The following GRIP1 variants were observed in gnomAD, a reference collection of about 807,000 sequenced individuals.
GRIP1 encodes the protein glutamate receptor-interacting protein 1.
A neutral mutation model predicts 129.9 loss-of-function variants in GRIP1; 45 were observed. The ratio of observed to expected loss-of-function variants is 0.35; its 90% confidence interval spans 0.27 to 0.44. The LOEUF is 0.44. Among genes scored for constraint, GRIP1 ranks in the 20% least tolerant of loss-of-function variants. GRIP1 has a pLI of 1.00. For synonymous variants in GRIP1, 530 were observed against 520.8 expected (o/e 1.02, Z -0.24); for missense variants, 1,196 against 1,396.8 (o/e 0.86, Z 2.29).
At chr12:66,578,231 G>A (rs548215747) in intron 2 of GRIP1, among the ~76,000 whole-genome samples, 1,203 of 31,500 alleles carry the variant, frequency 0.038, 37 homozygotes, top group African/African-American at 0.13. Flanking sequence ...GCAAAACCGC[G>A]GTTTTTTTTT....
chr12:66,574,258 T>C (rs2063064252), intron 2 of GRIP1, among the ~76,000 whole-genome samples: 1 of 152,250 alleles, frequency 6.6e-6, no homozygotes, highest in Admixed American at 6.5e-5. Flanking sequence ...CCTGTCATTA[T>C]AGCGGTTTTA....
chr12:66,743,320 C>G (rs545792848), intron 1 of GRIP1, among the ~76,000 whole-genome samples: 1 of 151,950 alleles, frequency 6.6e-6, no homozygotes, highest in Admixed American at 6.6e-5. Flanking sequence ...GCAACCTCCC[C>G]CAAAGTGGAA....
At chr12:66,720,438 A>G (rs2036023795) in intron 1 of GRIP1, among the ~76,000 whole-genome samples, 1 of 152,110 alleles carries the variant, frequency 6.6e-6, no homozygotes, top group African/African-American at 2.4e-5. Context: ...AAAATAAGAC[A>G]GTAATAAAGT....
chr12:66,922,026 T>C (rs1324026399), intron 1 of GRIP1, among the ~76,000 whole-genome samples: 1 of 152,170 alleles, frequency 6.6e-6, no homozygotes, highest in African/African-American at 2.4e-5. Flanking sequence ...TAATATGAAA[T>C]AAATCATGCT....
chr12:66,963,651 C>T (rs1339114529), intron 1 of GRIP1, among the ~76,000 whole-genome samples: 1 of 152,044 alleles, frequency 6.6e-6, no homozygotes, highest in Non-Finnish European at 1.5e-5. Context: ...ATTTTGATTT[C>T]CTGTTTCTAT....
chr12:67,067,130 T>A (rs1329632233), intron 1 of GRIP1, among the ~76,000 whole-genome samples: 2 of 152,070 alleles, frequency 1.3e-5, no homozygotes, highest in Non-Finnish European at 2.9e-5. Flanking sequence ...CAAACATTTT[T>A]TGTTTTCTCC....
chr12:66,775,951 T>C (rs12828060), intron 1 of GRIP1, among the ~76,000 whole-genome samples: 48,118 of 152,052 alleles, frequency 0.32, 7,953 homozygotes, highest in Non-Finnish European at 0.37. Flanking sequence ...CAGTATAGCA[T>C]TGCCAAAATG....
chr12:66,409,459 G>A (rs1342913474), intron 15 of GRIP1, among the ~76,000 whole-genome samples: 1 of 152,226 alleles, frequency 6.6e-6, no homozygotes, highest in Non-Finnish European at 1.5e-5. Flanking sequence ...GAGCCATAGT[G>A]TTACTGGACT....
At chr12:66,437,159 G>A (rs11176177) in intron 13 of GRIP1, among the ~76,000 whole-genome samples, 97,014 of 151,958 alleles carry the variant, frequency 0.64, 32,835 homozygotes, top group Non-Finnish European at 0.77. Context: ...TTTTGGAAAC[G>A]GATGGCTTAC....
chr12:67,009,365 A>G (rs556510497), intron 1 of GRIP1, among the ~76,000 whole-genome samples: 33 of 152,296 alleles, frequency 2.2e-4, no homozygotes, highest in African/African-American at 7.2e-4. Context: ...TAACTTTGAC[A>G]GGAGGCCACG....
chr12:66,759,008 C>T (rs1777864817), intron 1 of GRIP1, among the ~76,000 whole-genome samples: 1 of 152,174 alleles, frequency 6.6e-6, no homozygotes, highest in African/African-American at 2.4e-5. Context: ...GACGGTGTCC[C>T]TCTTCTCACA....
intron 4 of GRIP1, among the ~76,000 whole-genome samples, chr12:66,533,228 G>T (rs2061506983): frequency 6.6e-6 from 1 of 151,994 alleles, no homozygotes; most frequent in Admixed American, 6.5e-5. Context: ...TTGAGACAGG[G>T]TCTTTCTATG....
intron 1 of GRIP1, among the ~76,000 whole-genome samples, chr12:67,018,521 C>G (rs980080714): frequency 1.3e-5 from 2 of 152,148 alleles, no homozygotes; most frequent in African/African-American, 4.8e-5. Context: ...CCTGGTTTTC[C>G]TTGGATTTTA....
At chr12:66,838,634 G>A (rs2039660210) in intron 1 of GRIP1, among the ~76,000 whole-genome samples, 1 of 152,158 alleles carries the variant, frequency 6.6e-6, no homozygotes, top group Non-Finnish European at 1.5e-5. Flanking sequence ...TAATAGTAGA[G>A]AAAAAGTACA....
chr12:67,021,944 A>G (rs73317201), intron 1 of GRIP1, among the ~76,000 whole-genome samples: 4,974 of 152,218 alleles, frequency 0.033, 277 homozygotes, highest in African/African-American at 0.11. Flanking sequence ...TCAACATGAT[A>G]TCCTCCAGAC....
At chr12:66,690,825 C>T (rs904029987) in intron 1 of GRIP1, among the ~76,000 whole-genome samples, 15 of 151,106 alleles carry the variant, frequency 9.9e-5, no homozygotes, top group South Asian at 4.2e-4. Flanking sequence ...CCCAGGTATC[C>T]GGGAGGCTAA....
chr12:66,571,516 T>G (rs2062959315), intron 2 of GRIP1, among the ~76,000 whole-genome samples: 1 of 152,150 alleles, frequency 6.6e-6, no homozygotes, highest in South Asian at 2.1e-4. Context: ...CTTTCACAGA[T>G]TCATCATGTA....
At chr12:66,437,825 G>A (rs1471250662) in intron 13 of GRIP1, among the ~76,000 whole-genome samples, 1 of 152,198 alleles carries the variant, frequency 6.6e-6, no homozygotes, top group Non-Finnish European at 1.5e-5. Context: ...TAGGGCAGAG[G>A]TTTAGAACTC....
At chr12:66,380,146 G>A (rs1206504600) in intron 19 of GRIP1, among the ~76,000 whole-genome samples, 7 of 152,038 alleles carry the variant, frequency 4.6e-5, no homozygotes, top group Non-Finnish European at 1.0e-4. Context: ...CTGACCTCAG[G>A]TGATCCACCC....
Sources: allele counts gnomAD v4.1 joint callset (sites outside exome capture counted in the v4.1 genomes callset), GRCh38; gene constraint gnomAD v4.1.1; transcripts MANE v1.5; gene names NCBI Gene and HGNC (gene_info 2026-07-23, HGNC 2026-07-21).